The following GALNS variants were observed in gnomAD, a reference collection of about 807,000 sequenced individuals.
GALNS encodes N-acetylgalactosamine-6-sulfatase.
In GALNS, 65 loss-of-function variants were observed where a neutral mutation model predicts 65.9. The ratio of observed to expected loss-of-function variants is 0.99; its 90% CI spans 0.81 to 1.21. The LOEUF (loss-of-function observed/expected upper bound fraction) is 1.21, where lower values mean the gene tolerates loss of function less well. Among genes scored for constraint, GALNS ranks in the 50% most tolerant of loss-of-function variants. The pLI is 0.00. For synonymous variants in GALNS, 346 were observed against 288.9 expected (o/e 1.20, Z -2.00); for missense variants, 776 against 700.7 (o/e 1.11, Z -1.21).
intron 1 of GALNS, among the ~76,000 whole-genome samples, chr16:88,853,558 C>T (rs890056378): frequency 1.3e-5 from 2 of 152,190 alleles, no homozygotes; most frequent in Non-Finnish European, 2.9e-5. Flanking sequence ...GGCTGACCCT[C>T]CTTAACCCTA....
Position 88,825,075 on chromosome 16 carries a change from G to A in GALNS, c.1140-206C>T, listed in dbSNP as rs557108392. On this transcript the variant is annotated intron_variant, in intron 10 of 13. Coordinates refer to ENST00000268695, the MANE Select transcript of GALNS (RefSeq NM_000512.5). ...GCGGCCGGGGCTGGAGCTCCTGGGT[G>A]GCCAGGGCTGGGGTGACTGGGTATC... Among the ~76,000 whole-genome samples the A allele has an allele frequency of 7.6e-3, 1,128 of 148,206 alleles. 29 individuals are homozygous for A. Among genetic ancestry groups the A allele is most frequent in the African/African-American group, 0.028 (1,075 of 38,362 alleles).
At chr16:88,839,580 T>TGA (rs1317780092) in intron 4 of GALNS, among the ~76,000 whole-genome samples, 1 of 152,208 alleles carries the variant, frequency 6.6e-6, no homozygotes, top group African/African-American at 2.4e-5. Flanking sequence ...CAGGGAAGTC[T>TGA]GAGTCATGGC....
At position 88,827,009 on chromosome 16, in the gene GALNS, C is replaced by T. The variant is rs1911002789; in HGVS notation, c.1003-171G>A. 6.6e-6 allele frequency: 5 copies of T among 756,792 alleles called. No individual in the cohort carries two copies. The South Asian group carries it at 8.5e-5, about 13-fold the overall frequency. 46.9% of individuals were successfully genotyped at this position (756,792 alleles called of 1,614,324 possible). On this transcript the variant is annotated intron_variant, in intron 9 of 13. Coordinates refer to ENST00000268695, the MANE Select transcript of GALNS (RefSeq NM_000512.5). The stretch of plus-strand genomic sequence containing the variant: ...GCGGGGTCACAAGGCCTGTGAGAGA[C>T]AGAGGAGCCTCAAACCAGGCCCAAA...
chr16:88,820,500 G>C (rs1022785606), intron 12 of GALNS, among the ~76,000 whole-genome samples: 13 of 152,242 alleles, frequency 8.5e-5, no homozygotes, highest in Admixed American at 7.9e-4. Context: ...AGCCCACGGT[G>C]AATCAGGCTG....
chr16:88,818,114 C>T lies in GALNS; in HGVS notation c.1375G>A (p.Ala459Thr), dbSNP rs750739641. The change falls in exon 13 of 14, where the codon GCC becomes ACC. Residue 459 changes from alanine (A) to threonine (T), a missense_variant. Transcript: ENST00000268695. Reference protein sequence around the residue: ...GERFPLSFASAEYQEALSRIT... With the variant: ...GERFPLSFASTEYQEALSRIT... ...CTGCTGAGGGCCTCCTGGTACTCGG[C>T]GCTGGCAAAGCTGGGGACAGAGAGC... The T allele has an allele frequency of 6.5e-5, 102 of 1,572,688 alleles. No individual in the cohort carries two copies. Among genetic ancestry groups the T allele is most frequent in the Non-Finnish European group, 7.6e-5 (89 of 1,166,890 alleles).
At chr16:88,814,556 G>A (rs1158249593) in intron 13 of GALNS, 31 bp from the exon 14 acceptor site, 63 of 1,550,498 alleles carry the variant, frequency 4.1e-5, no homozygotes, top group Non-Finnish European at 5.2e-5. Context: ...AAAAGAACAT[G>A]CAGTTATTCA....
intron 10 of GALNS, 113 bp downstream of exon 10, chr16:88,826,589 C>T (rs1017520164): frequency 1.1e-5 from 15 of 1,312,346 alleles, no homozygotes; most frequent in Middle Eastern, 2.0e-4. Flanking sequence ...GGCACGAGCA[C>T]GCCTGTGTCC....
intron 1 of GALNS, among the ~76,000 whole-genome samples, chr16:88,847,814 T>C (rs1009529730): frequency 6.6e-6 from 1 of 152,128 alleles, no homozygotes; most frequent in Non-Finnish European, 1.5e-5. Flanking sequence ...CCACGCAGGG[T>C]GGCCACGCCG....
chr16:88,847,190 G>A (rs935327186), intron 1 of GALNS, among the ~76,000 whole-genome samples: 2 of 152,022 alleles, frequency 1.3e-5, no homozygotes, highest in African/African-American at 4.8e-5. Flanking sequence ...GGGCAACAAG[G>A]TGAGACCCCA....
chr16:88,835,091 T>A, intron 8 of GALNS, 122 bp downstream of exon 8: 4 of 1,299,840 alleles, frequency 3.1e-6, no homozygotes, highest in Non-Finnish European at 4.3e-6. Flanking sequence ...CTCCTCCCGC[T>A]GGACCCAGAG....
chr16:88,842,836 G>C lies in GALNS; in HGVS notation c.121-7C>G, dbSNP rs1004936255. On this transcript the variant is annotated splice_region_variant and splice_polypyrimidine_tract_variant and intron_variant, in intron 1 of 13. Transcript: ENST00000268695. ...CGAGGTCACCCCATCCCATCTGCAG[G>C]GAAGAGCACGGGGAGGAGGAATGAG... The C allele has an allele frequency of 4.3e-6, 7 of 1,613,040 alleles. No homozygotes were observed. Among genetic ancestry groups the C allele is most frequent in the Non-Finnish European group, 5.1e-6 (6 of 1,179,866 alleles).
intron 1 of GALNS, chr16:88,843,095 T>G: frequency 6.7e-7 from 1 of 1,490,630 alleles, no homozygotes; most frequent in Non-Finnish European, 8.9e-7. Flanking sequence ...GTCTTTCGCC[T>G]CCACTTCTGC....
At chr16:88,841,806 C>T (rs1966984978) in intron 3 of GALNS, 91 bp downstream of exon 3, 2 of 1,171,760 alleles carry the variant, frequency 1.7e-6, no homozygotes, top group African/African-American at 1.5e-5. Flanking sequence ...TGCAGCTTGC[C>T]ACCCGAGTCC....
At chr16:88,856,145 C>T (rs555342948) in intron 1 of GALNS, 5 of 702,478 alleles carry the variant, frequency 7.1e-6, no homozygotes, top group South Asian at 5.9e-5. Flanking sequence ...CCCCTGACCC[C>T]GCACTTGCCC....
Position 88,836,178 on chromosome 16 carries a change from G to A in GALNS, c.633+23C>T, listed in dbSNP as rs765243503. ...CCCGTCCCCATGCGTCCCACAGGGC[G>A]AGGATGGTGCGGTCCCCATCACCTG... On this transcript the variant is annotated intron_variant, in intron 6 of 13. Transcript: ENST00000268695. 2.2e-5 allele frequency: 35 copies of A among 1,609,250 alleles called. No individual in the cohort carries two copies. In the East Asian group the frequency reaches 2.5e-4, roughly 11 times the overall value.
intron 1 of GALNS, among the ~76,000 whole-genome samples, chr16:88,851,479 G>C (rs535077004): frequency 6.6e-6 from 1 of 152,306 alleles, no homozygotes; most frequent in Non-Finnish European, 1.5e-5. Flanking sequence ...TTCCAACTGA[G>C]GTGCCTGGTT....
At chr16:88,817,878 G>C (rs1909797853) in intron 13 of GALNS, 129 bp downstream of exon 13, 3 of 829,934 alleles carry the variant, frequency 3.6e-6, no homozygotes, top group Non-Finnish European at 5.9e-6. Context: ...AGGCACGAGG[G>C]CCTCACCACT....
At chr16:88,855,935 G>A (rs762109644) in intron 1 of GALNS, 39 of 560,916 alleles carry the variant, frequency 7.0e-5, no homozygotes, top group Non-Finnish European at 1.1e-4. Context: ...ACGTGAGCAC[G>A]GCGGGACAGG....
At chr16:88,841,350 G>A (rs1966963446) in intron 3 of GALNS, among the ~76,000 whole-genome samples, 4 of 152,116 alleles carry the variant, frequency 2.6e-5, no homozygotes, top group African/African-American at 4.8e-5. Flanking sequence ...GCCTTCCTTG[G>A]GACTCCTGCC....
Sources: gnomAD v4.1 joint callset for allele counts (sites outside exome capture counted in the v4.1 genomes callset) on GRCh38, gnomAD v4.1.1 for gene constraint, MANE v1.5 for transcripts, NCBI Gene and HGNC (gene_info 2026-07-23, HGNC 2026-07-21) for gene names.